The following THAP6 variants were observed in gnomAD, a reference collection of about 807,000 sequenced individuals.
THAP6 encodes the protein THAP domain-containing protein 6.
In THAP6, 13 loss-of-function variants were observed where a neutral mutation model predicts 20.0. That is an observed-to-expected ratio of 0.65 (90% CI 0.42 to 1.03). The LOEUF (loss-of-function observed/expected upper bound fraction) is 1.03. Among genes scored for constraint, THAP6 ranks in the 50% least tolerant of loss-of-function variants. The pLI is 0.00. For synonymous variants in THAP6, 93 were observed against 92.2 expected, an observed-to-expected ratio of 1.01 and a Z score of -0.05; for missense variants, 262 against 261.6, an observed-to-expected ratio of 1.00 and a Z score of -0.01.
In THAP6 at chr4:75,527,774, G is replaced by A. The variant is rs1036579350; in HGVS notation, c.*560G>A. 5 of 986,130 alleles carry A rather than the reference G, an allele frequency of 5.1e-6. No homozygotes were observed. The African/African-American group carries it at 8.7e-5, about 17-fold the overall frequency. 61.1% of individuals were successfully genotyped at this position (986,130 alleles called of 1,614,324 possible). ...AGAATAACACATAGTGAAGATCTGT[G>A]GGCTTTTAAAATTGTTCACAGCCAA... On this transcript the variant is annotated 3_prime_UTR_variant, in exon 5 of 5. Transcript: ENST00000311638.
intron 4 of THAP6, among the ~76,000 whole-genome samples, chr4:75,525,099 A>T (rs1216855387): frequency 2.0e-5 from 3 of 152,152 alleles, no homozygotes; most frequent in Non-Finnish European, 4.4e-5. Flanking sequence ...TCTGATGATG[A>T]TATGCCTTGG....
intron 2 of THAP6, among the ~76,000 whole-genome samples, chr4:75,515,951 A>T (rs1326926130): frequency 6.6e-6 from 1 of 152,228 alleles, no homozygotes; most frequent in African/African-American, 2.4e-5. Flanking sequence ...AGACCAAGGG[A>T]TCTTTAGCTG....
In THAP6 at chr4:75,515,647, C is replaced by T; in HGVS notation, c.80+115C>T. ...AGTTCCCGAGTCCTTTTTAAATAAC[C>T]TTTTTGTTAAATTTGAAGTGACAAT... On this transcript the variant is annotated intron_variant, in intron 2 of 4. Transcript: ENST00000311638. The T allele has an allele frequency of 3.2e-6, 3 of 946,462 alleles. No homozygotes were observed. The South Asian group carries it at 4.4e-5, about 14-fold the overall frequency. The allele number at this position is 946,462 out of a possible 1,614,324, so 58.6% of individuals were successfully genotyped here.
chr4:75,527,125 T>G lies in THAP6; in HGVS notation c.580T>G (p.Cys194Gly). The G allele has an allele frequency of 5.0e-6, 8 of 1,614,130 alleles. No individual in the cohort carries two copies. The highest frequency in any genetic ancestry group is 6.8e-6 in the Non-Finnish European group (8 of 1,180,010). ...RKTIRELKDE[C>G]LISQETANRL... Reference sequence around the variant, plus strand: ...GACAATCAGGGAATTAAAGGATGAATGTCTGATCAGCCAAGAAACAGCAAA... The same window carrying G: ...GACAATCAGGGAATTAAAGGATGAAGGTCTGATCAGCCAAGAAACAGCAAA... Residue 194 changes from cysteine (C) to glycine (G), a missense_variant, in exon 5 of 5, where the codon TGT becomes GGT. Transcript: ENST00000311638.
downstream of THAP6, among the ~76,000 whole-genome samples, chr4:75,534,578 A>G (rs1726797198): frequency 6.6e-6 from 1 of 152,230 alleles, no homozygotes; most frequent in Non-Finnish European, 1.5e-5. Flanking sequence ...TAATGAAACT[A>G]AAGAGCTTCT....
At chr4:75,532,864 G>A (rs376851209), downstream of THAP6, among the ~76,000 whole-genome samples, 2 of 152,160 alleles carry the variant, frequency 1.3e-5, no homozygotes, top group African/African-American at 2.4e-5. Context: ...CACACAACAC[G>A]GGGACCCTGG....
rs1339061291 is a variant in THAP6 at position 75,539,864 on chromosome 4, C to A, written c.166-2545C>A. The A allele has an allele frequency of 2.6e-6, 4 of 1,535,776 alleles. No individual in the cohort carries two copies. In the African/African-American group the frequency reaches 5.5e-5, roughly 21 times the overall value. On this transcript the variant is annotated intron_variant, in intron 2 of 4. Coordinates refer to the THAP6 transcript ENST00000502620. Reference sequence around the variant, plus strand: ...TAAATTCCATCCCATCCCAGAAACACAGGAAAAGGAAACAAGAACAGGAAG... The same window carrying A: ...TAAATTCCATCCCATCCCAGAAACAAAGGAAAAGGAAACAAGAACAGGAAG...
intron 2 of THAP6, among the ~76,000 whole-genome samples, chr4:75,537,221 A>G (rs1726884428): frequency 6.6e-6 from 1 of 152,170 alleles, no homozygotes; most frequent in Non-Finnish European, 1.5e-5. Flanking sequence ...GTGAAAGAAT[A>G]ATGCCCCCTG....
At chr4:75,520,966 C>G (rs1380978779) in intron 3 of THAP6, among the ~76,000 whole-genome samples, 3 of 152,062 alleles carry the variant, frequency 2.0e-5, no homozygotes, top group African/African-American at 7.2e-5. Flanking sequence ...AGGTCCTCTT[C>G]TATTATCTTT....
chr4:75,529,397 C>A lies in THAP6; in HGVS notation c.*2183C>A. ...TTTTACTACTTGTGTTCATAGTAGA[C>A]TCAGCACTTCTTTTTCACTGGACCT... On this transcript the variant is annotated 3_prime_UTR_variant, in exon 5 of 5. Coordinates refer to ENST00000311638, the MANE Select transcript of THAP6 (RefSeq NM_144721.6). 1.0e-6 allele frequency: 1 copy of A among 985,392 alleles called. No homozygotes were observed. The highest frequency in any genetic ancestry group is 1.2e-6 in the Non-Finnish European group (1 of 829,930). The allele number at this position is 985,392 out of a possible 1,614,324, so 61.0% of individuals were successfully genotyped here.
intron 2 of THAP6, chr4:75,540,094 C>A (rs1726964623): frequency 9.7e-7 from 1 of 1,033,988 alleles, no homozygotes; most frequent in Non-Finnish European, 1.4e-6. Flanking sequence ...TACTGACAAG[C>A]CATTTAATCT....
chr4:75,517,963 C>CAACTAAAAA lies in THAP6; in HGVS notation c.288+985_288+993dup, dbSNP rs1230174465. Among the ~76,000 whole-genome samples the CAACTAAAAA allele has an allele frequency of 2.0e-5, 3 of 152,312 alleles. No homozygotes were observed. In the East Asian group the frequency reaches 5.8e-4, roughly 29 times the overall value. On this transcript the variant is annotated intron_variant, in intron 3 of 4. Transcript: ENST00000311638. ...CCATTGAAAGGGATCTCCTTCCTGGCAACTAAAAACAAGAGAAGTAGCCAA... is the reference window on the plus strand; with the variant it reads ...CCATTGAAAGGGATCTCCTTCCTGGCAACTAAAAAAACTAAAAACAAGAGAAGTAGCCAA...
intron 4 of THAP6, among the ~76,000 whole-genome samples, chr4:75,525,019 A>G (rs1410036525): frequency 6.6e-6 from 1 of 152,066 alleles, no homozygotes; most frequent in Admixed American, 6.6e-5. Context: ...CGGCCTCCCT[A>G]AGTGCTGGGC....
intron 2 of THAP6, among the ~76,000 whole-genome samples, chr4:75,537,978 C>T (rs1726909118): frequency 6.6e-6 from 1 of 152,182 alleles, no homozygotes. Flanking sequence ...GTGTTTTACT[C>T]CACTAAGTTT....
upstream of THAP6, chr4:75,514,419 G>T: frequency 9.8e-7 from 1 of 1,023,762 alleles, no homozygotes; most frequent in Non-Finnish European, 1.4e-6. Context: ...CTAAGCACGT[G>T]ACCCGGGGCA....
At chr4:75,525,655 C>T (rs769086607) in intron 4 of THAP6, among the ~76,000 whole-genome samples, 15 of 152,112 alleles carry the variant, frequency 9.9e-5, no homozygotes, top group Non-Finnish European at 2.2e-4. Flanking sequence ...GTAAATTTTG[C>T]ATGCCATGAA....
At chr4:75,530,707 A>G (rs1726654348), downstream of THAP6, among the ~76,000 whole-genome samples, 1 of 152,142 alleles carries the variant, frequency 6.6e-6, no homozygotes, top group Non-Finnish European at 1.5e-5. Context: ...GCTGTTTCTG[A>G]TCCTTTAATA....
upstream of THAP6, chr4:75,514,322 C>A: frequency 6.3e-7 from 1 of 1,593,940 alleles, no homozygotes; most frequent in Non-Finnish European, 8.6e-7. Flanking sequence ...CCGATCCTTC[C>A]CCCAGGATAA....
At chr4:75,541,879 G>A (rs751182693) in intron 2 of THAP6, among the ~76,000 whole-genome samples, 2 of 151,462 alleles carry the variant, frequency 1.3e-5, no homozygotes, top group Non-Finnish European at 2.9e-5. Flanking sequence ...TCGCTTGAGC[G>A]CAGAGGGGCG....
Sources: gnomAD v4.1 joint callset for allele counts (sites outside exome capture counted in the v4.1 genomes callset) on GRCh38, gnomAD v4.1.1 for gene constraint, MANE v1.5 for transcripts, NCBI Gene and HGNC (gene_info 2026-07-23, HGNC 2026-07-21) for gene names.